SMOC2: variants seen among roughly 807,000 people sequenced by gnomAD.
SMOC2 encodes SPARC-related modular calcium-binding protein 2.
Under a neutral mutation model 61.4 loss-of-function variants are expected in SMOC2, and 39 were observed. The observed-to-expected ratio is 0.64, with a 90% CI of 0.49 to 0.83. The LOEUF (loss-of-function observed/expected upper bound fraction) is 0.83, where lower values mean the gene tolerates loss of function less well. Ranked by LOEUF, SMOC2 falls within the 40% of genes least tolerant of loss-of-function variation. SMOC2 has a pLI of 0.00. For synonymous variants in SMOC2, 247 were observed against 239.9 expected (o/e 1.03, Z -0.27); for missense variants, 556 against 592.9 (o/e 0.94, Z 0.65).
rs73272944 is a variant in SMOC2, at chr6:168,491,373, G to A, written c.85-18542G>A. ...TTAGTTTCCATAACATCCGAATCAT[G>A]GGATGAGAGTCAAGAGAAGAATTAG... On this transcript the variant is annotated intron_variant, in intron 1 of 12. Transcript: ENST00000356284. Among the ~76,000 whole-genome samples, 265 of 152,292 alleles carry A rather than the reference G, an allele frequency of 1.7e-3. 3 individuals carry two copies. Among genetic ancestry groups the A allele is most frequent in the African/African-American group, 6.0e-3 (250 of 41,576 alleles).
intron 1 of SMOC2, among the ~76,000 whole-genome samples, chr6:168,443,077 A>G (rs1267207224): frequency 1.3e-5 from 2 of 152,248 alleles, no homozygotes; most frequent in African/African-American, 4.8e-5. Flanking sequence ...AACTAAGGCC[A>G]ATTCTCCAAA....
At chr6:168,474,902 A>G (rs1244061465) in intron 1 of SMOC2, among the ~76,000 whole-genome samples, 1 of 152,202 alleles carries the variant, frequency 6.6e-6, no homozygotes, top group African/African-American at 2.4e-5. Context: ...CTACAGTTTC[A>G]TACTTATGGG....
intron 4 of SMOC2, among the ~76,000 whole-genome samples, chr6:168,536,828 G>A (rs1417771756): frequency 2.0e-5 from 3 of 152,210 alleles, no homozygotes; most frequent in African/African-American, 4.8e-5. Flanking sequence ...TGGCCACGGT[G>A]AGGCTCAGGG....
At chr6:168,515,340 A>G (rs1026351372) in intron 2 of SMOC2, among the ~76,000 whole-genome samples, 1 of 152,236 alleles carries the variant, frequency 6.6e-6, no homozygotes, top group Non-Finnish European at 1.5e-5. Context: ...CGTTACAATC[A>G]GTCTGCGGAG....
intron 7 of SMOC2, among the ~76,000 whole-genome samples, chr6:168,588,045 C>G (rs1207748223): frequency 6.6e-6 from 1 of 151,646 alleles, no homozygotes; most frequent in Non-Finnish European, 1.5e-5. Context: ...GATTCATGTT[C>G]TGGTTCGTAA....
chr6:168,578,885 G>A (rs550547594), intron 7 of SMOC2, among the ~76,000 whole-genome samples: 10 of 152,140 alleles, frequency 6.6e-5, no homozygotes, highest in Admixed American at 3.3e-4. Flanking sequence ...GGATCGCTGC[G>A]TGGTAAAATG....
chr6:168,533,300 C>T (rs981265051), intron 4 of SMOC2, among the ~76,000 whole-genome samples: 2 of 152,150 alleles, frequency 1.3e-5, no homozygotes, highest in African/African-American at 4.8e-5. Flanking sequence ...AATCTCAGTA[C>T]ATGATATACA....
intron 1 of SMOC2, among the ~76,000 whole-genome samples, chr6:168,470,874 T>C (rs963216884): frequency 3.9e-5 from 6 of 152,126 alleles, no homozygotes; most frequent in Non-Finnish European, 5.9e-5. Context: ...TGCCAAAACA[T>C]TGATAATTAA....
At chr6:168,584,647 CA>C (rs55957533) in intron 7 of SMOC2, among the ~76,000 whole-genome samples, 53,461 of 151,966 alleles carry the variant, frequency 0.35, 9,900 homozygotes, top group Middle Eastern at 0.47. Flanking sequence ...ACCGAACAGG[CA>C]AAAAATATGT....
At chr6:168,655,845 G>A (rs963790228) in intron 11 of SMOC2, among the ~76,000 whole-genome samples, 8 of 151,654 alleles carry the variant, frequency 5.3e-5, no homozygotes, top group South Asian at 2.1e-4. Context: ...CTCACTGCAC[G>A]TATGTGCTCG....
intron 7 of SMOC2, among the ~76,000 whole-genome samples, chr6:168,555,145 C>T (rs2115114706): frequency 6.6e-6 from 1 of 152,392 alleles, no homozygotes; most frequent in African/African-American, 2.4e-5. Context: ...CGGCCTCGCC[C>T]TCAAGTCGGG....
At position 168,441,429 on chromosome 6, in the gene SMOC2, C is replaced by G; in HGVS notation, c.59C>G (p.Pro20Arg). ...CTCGCTGGGCTGCTCCCGCCGGTGCCCGCTCAGAAGTTCTCGGCGCTCACG... is the reference window on the plus strand; with the variant it reads ...CTCGCTGGGCTGCTCCCGCCGGTGCGCGCTCAGAAGTTCTCGGCGCTCACG... ...PLLAGLLPPVPAQKFSALTFL... is the reference protein window; with the variant it reads ...PLLAGLLPPVRAQKFSALTFL... The change falls in exon 1 of 13, where the codon CCC becomes CGC. Residue 20 changes from proline (P) to arginine (R), a missense_variant. Coordinates refer to ENST00000356284, the MANE Select transcript of SMOC2 (RefSeq NM_001166412.2). 11 of 1,510,682 alleles carry G rather than the reference C, an allele frequency of 7.3e-6. No individual in the cohort carries two copies. The highest frequency in any genetic ancestry group is 9.7e-6 in the Non-Finnish European group (11 of 1,133,312). 93.6% of individuals were successfully genotyped at this position (1,510,682 alleles called of 1,614,324 possible).
intron 9 of SMOC2, among the ~76,000 whole-genome samples, chr6:168,648,269 G>C (rs1398607511): frequency 6.6e-6 from 1 of 152,250 alleles, no homozygotes; most frequent in Non-Finnish European, 1.5e-5. Context: ...AGCCCTGGCA[G>C]GCAGGTGCCC....
chr6:168,612,423 C>T (rs1391555533), intron 9 of SMOC2, among the ~76,000 whole-genome samples: 1 of 138,030 alleles, frequency 7.2e-6, no homozygotes, highest in Non-Finnish European at 1.6e-5. Flanking sequence ...CAGCCTTTAC[C>T]TGAAGAGCAG....
chr6:168,486,199 A>G (rs993947111), intron 1 of SMOC2, among the ~76,000 whole-genome samples: 1 of 152,238 alleles, frequency 6.6e-6, no homozygotes, highest in Non-Finnish European at 1.5e-5. Flanking sequence ...AAGGAGTTGC[A>G]TAGATATATA....
Position 168,553,136 on chromosome 6 carries a change from T to G in SMOC2, c.637+3933T>G, listed in dbSNP as rs1449658110. On this transcript the variant is annotated intron_variant, in intron 7 of 12. Coordinates refer to ENST00000356284, the MANE Select transcript of SMOC2 (RefSeq NM_001166412.2). The surrounding 1 kb of genome is among the most constrained non-coding windows in gnomAD (Gnocchi z 4.2). ...TAGAGGTTGCCTATTAGACTTATAT[T>G]GATTTAAATTTAATAAATATATAAG... 6.6e-6 allele frequency among the ~76,000 whole-genome samples: 1 copy of G among 152,194 alleles called. No individual in the cohort carries two copies. The highest frequency in any genetic ancestry group is 2.4e-5 in the African/African-American group (1 of 41,432).
At chr6:168,469,413 GT>G (rs1472601100) in intron 1 of SMOC2, among the ~76,000 whole-genome samples, 2 of 152,324 alleles carry the variant, frequency 1.3e-5, no homozygotes, top group African/African-American at 2.4e-5. Flanking sequence ...AATTTAGTGT[GT>G]TTTGTAAACG....
chr6:168,475,968 A>T lies in SMOC2; in HGVS notation c.85-33947A>T, dbSNP rs1333014600. Among the ~76,000 whole-genome samples the T allele has an allele frequency of 2.0e-5, 3 of 152,054 alleles. No individual in the cohort carries two copies. The highest frequency in any genetic ancestry group is 4.4e-5 in the Non-Finnish European group (3 of 67,978). ...GGCTGAGGTTTGCTAACCGTAGTCC[A>T]CTTGGGACCTTCCCACACGTGGTCT... On this transcript the variant is annotated intron_variant, in intron 1 of 12. Coordinates refer to ENST00000356284, the MANE Select transcript of SMOC2 (RefSeq NM_001166412.2). This position sits in a 1 kb window ranked among gnomAD's most constrained non-coding sequence, Gnocchi z 4.6.
At chr6:168,551,423 TTTTATTTATTTATTTATTTATTTATTTA>T (rs147825097) in intron 7 of SMOC2, among the ~76,000 whole-genome samples, 1 of 146,790 alleles carries the variant, frequency 6.8e-6, no homozygotes, top group Admixed American at 6.8e-5. Flanking sequence ...ATATACTTTA[TTTTATTTATTTATTTATTTATTTATTTA>T]TTTATTTATT....
Sources: gnomAD v4.1 joint callset for allele counts (sites outside exome capture counted in the v4.1 genomes callset) on GRCh38, gnomAD v4.1.1 for gene constraint, Gnocchi (gnomAD v3.1) non-coding constraint, MANE v1.5 for transcripts, NCBI Gene and HGNC (gene_info 2026-07-23, HGNC 2026-07-21) for gene names.